TXNL4A: variants seen among roughly 807,000 people sequenced by gnomAD.
TXNL4A encodes thioredoxin like 4A.
TXNL4A carries 17 observed loss-of-function variants against 14.6 expected under a neutral mutation model. That is an observed-to-expected ratio of 1.16 (90% confidence interval 0.80 to 1.74). The LOEUF is 1.74. TXNL4A is among the 40% of genes most tolerant of loss of function. The probability of loss-of-function intolerance (pLI) is 0.00; values close to 1 mark genes in which losing one functional copy is unlikely to be tolerated. For missense variants in TXNL4A, 74 were observed against 195.2 expected (o/e 0.38, Z 3.70); for synonymous variants, 83 against 70.6 (o/e 1.18, Z -0.88).
At chr18:80,022,533 T>A (rs2051856809) in intron 1 of TXNL4A, among the ~76,000 whole-genome samples, 1 of 152,230 alleles carries the variant, frequency 6.6e-6, no homozygotes, top group Admixed American at 6.5e-5. Flanking sequence ...GTTTGTTTGT[T>A]CCCAAGATGG....
Position 79,988,229 on chromosome 18 carries a change from C to A in TXNL4A, c.153+11G>T. ...GCACAGCCCGCAGAGCGGGAGAGTC[C>A]GGCGCGCTACCTTCTCGGCGATGCT... On this transcript the variant is annotated intron_variant, in intron 1 of 2. Coordinates refer to ENST00000269601, the MANE Select transcript of TXNL4A (RefSeq NM_006701.5). 1 of 1,512,244 alleles carries A rather than the reference C, an allele frequency of 6.6e-7. No individual in the cohort carries two copies. Among genetic ancestry groups the A allele is most frequent in the Non-Finnish European group, 9.0e-7 (1 of 1,110,522 alleles). The allele number at this position is 1,512,244 out of a possible 1,614,324, so 93.7% of individuals were successfully genotyped here.
At chr18:80,022,908 T>A (rs1349230412) in intron 1 of TXNL4A, among the ~76,000 whole-genome samples, 1 of 152,196 alleles carries the variant, frequency 6.6e-6, no homozygotes, top group Non-Finnish European at 1.5e-5. Context: ...AGACCCTAGC[T>A]TTCCACCCTG....
chr18:79,987,206 G>C (rs976195079), intron 1 of TXNL4A, among the ~76,000 whole-genome samples: 6 of 152,314 alleles, frequency 3.9e-5, no homozygotes, highest in African/African-American at 7.2e-5. Context: ...CACTCCAAGG[G>C]AGTCTTGTAA....
chr18:79,986,536 TAAC>T (rs1311412143), intron 1 of TXNL4A: 1 of 975,672 alleles, frequency 1.0e-6, no homozygotes, highest in African/African-American at 1.8e-5. Flanking sequence ...CATTCTGTAA[TAAC>T]AAAGAAATTG....
intron 1 of TXNL4A, among the ~76,000 whole-genome samples, chr18:80,005,951 GGAA>G (rs1296312093): frequency 1.3e-5 from 2 of 152,006 alleles, no homozygotes; most frequent in East Asian, 1.9e-4. Context: ...AAAATATCTA[GGAA>G]GAAGAACTTT....
intron 1 of TXNL4A, among the ~76,000 whole-genome samples, chr18:80,014,722 A>C (rs2051795183): frequency 2.0e-5 from 3 of 152,150 alleles, no homozygotes; most frequent in South Asian, 4.1e-4. Flanking sequence ...CCCTCTTCTC[A>C]CAGTTCCACT....
chr18:80,010,909 T>TC (rs2051765351), intron 1 of TXNL4A, among the ~76,000 whole-genome samples: 1 of 151,618 alleles, frequency 6.6e-6, no homozygotes, highest in South Asian at 2.1e-4. Context: ...CTCCTTTCAG[T>TC]CCCCCCGTGG....
At chr18:80,001,573 G>C (rs1395716941) in intron 1 of TXNL4A, among the ~76,000 whole-genome samples, 2 of 152,206 alleles carry the variant, frequency 1.3e-5, no homozygotes, top group African/African-American at 4.8e-5. Context: ...CCACAGGGCA[G>C]AACTGCCCAA....
At chr18:80,015,410 T>G (rs544598243) in intron 1 of TXNL4A, among the ~76,000 whole-genome samples, 1 of 151,252 alleles carries the variant, frequency 6.6e-6, no homozygotes, top group East Asian at 2.0e-4. Flanking sequence ...GTGCACAATG[T>G]GCAAGTCAGT....
At chr18:79,996,426 A>C (rs1484604869) in intron 1 of TXNL4A, among the ~76,000 whole-genome samples, 1 of 152,204 alleles carries the variant, frequency 6.6e-6, no homozygotes, top group Non-Finnish European at 1.5e-5. Context: ...CTCATGTTTT[A>C]AGTCTAAACC....
At chr18:79,976,782 T>C (rs762178978) in intron 2 of TXNL4A, 20 of 456,302 alleles carry the variant, frequency 4.4e-5, no homozygotes, top group Non-Finnish European at 8.4e-5. Context: ...CCAACCTCTA[T>C]GGTAACTAAA....
chr18:79,988,540 G>T lies in TXNL4A; in HGVS notation c.-148C>A, dbSNP rs1235242994. On this transcript the variant is annotated 5_prime_UTR_variant, in exon 1 of 3. Transcript: ENST00000269601. Reference sequence around the variant, plus strand: ...CCGCCCGCACACGCAAACTCCGCTGGGACTGCCACCCGGCAGAACGTCTGG... The same window carrying T: ...CCGCCCGCACACGCAAACTCCGCTGTGACTGCCACCCGGCAGAACGTCTGG... The T allele has an allele frequency of 2.4e-6, 2 of 830,954 alleles. No homozygotes were observed. The highest frequency in any genetic ancestry group is 3.2e-6 in the Non-Finnish European group (2 of 621,114). The allele number at this position is 830,954 out of a possible 1,614,324, so 51.5% of individuals were successfully genotyped here.
upstream of TXNL4A, among the ~76,000 whole-genome samples, chr18:79,989,638 T>TA (rs1488009189): frequency 6.6e-6 from 1 of 152,226 alleles, no homozygotes; most frequent in Non-Finnish European, 1.5e-5. Flanking sequence ...TGCAAACTGA[T>TA]ATTGATAGTA....
At chr18:80,007,049 G>A (rs556196188) in intron 1 of TXNL4A, among the ~76,000 whole-genome samples, 14 of 152,250 alleles carry the variant, frequency 9.2e-5, no homozygotes, top group African/African-American at 2.2e-4. Context: ...CACAGCTGCC[G>A]GCATTCACCT....
Position 79,971,816 on chromosome 18 carries a change from A to G in TXNL4A, c.*1869T>C, listed in dbSNP as rs2051305240. On this transcript the variant is annotated 3_prime_UTR_variant, in exon 3 of 3. Transcript: ENST00000269601. Reference sequence around the variant, plus strand: ...TTTGCACCTTCCTTAACAAGCAGTGATGCTGAGTGTCTCTTCGTGTGCTTC... The same window carrying G: ...TTTGCACCTTCCTTAACAAGCAGTGGTGCTGAGTGTCTCTTCGTGTGCTTC... The G allele has an allele frequency of 6.6e-6, 1 of 152,166 alleles. No individual in the cohort carries two copies. The highest frequency in any genetic ancestry group is 2.4e-5 in the African/African-American group (1 of 41,416). 9.4% of individuals were successfully genotyped at this position (152,166 alleles called of 1,614,324 possible). A position where few individuals can be genotyped will look rare whatever the true frequency, so the allele number is the denominator to read the frequency against.
intron 1 of TXNL4A, among the ~76,000 whole-genome samples, chr18:80,031,538 T>C (rs1056076512): frequency 2.0e-5 from 3 of 152,210 alleles, no homozygotes; most frequent in Non-Finnish European, 4.4e-5. Flanking sequence ...AATGGTATGA[T>C]CATTTAACTT....
intron 1 of TXNL4A, among the ~76,000 whole-genome samples, chr18:80,019,194 T>C (rs1402267773): frequency 6.6e-6 from 1 of 152,222 alleles, no homozygotes; most frequent in Non-Finnish European, 1.5e-5. Flanking sequence ...TAGTTTGTTT[T>C]CATGCTGCTG....
intron 1 of TXNL4A, among the ~76,000 whole-genome samples, chr18:80,015,378 T>C (rs944683048): frequency 3.3e-5 from 5 of 151,034 alleles, no homozygotes; most frequent in African/African-American, 1.2e-4. Flanking sequence ...ATTATTATTA[T>C]ACTTTAAGTT....
At chr18:79,988,055 A>C (rs1229954025) in intron 1 of TXNL4A, among the ~76,000 whole-genome samples, 185 bp downstream of exon 1, 1 of 152,262 alleles carries the variant, frequency 6.6e-6, no homozygotes, top group Non-Finnish European at 1.5e-5. Context: ...CCGCAGAAAA[A>C]GGCGTGAAAC....
Sources: gnomAD v4.1 joint callset for allele counts (sites outside exome capture counted in the v4.1 genomes callset) on GRCh38, gnomAD v4.1.1 for gene constraint, MANE v1.5 for transcripts, NCBI Gene and HGNC (gene_info 2026-07-23, HGNC 2026-07-21) for gene names.